The following CCDC148 variants were observed in gnomAD, a reference collection of about 807,000 sequenced individuals.
CCDC148 encodes the protein coiled-coil domain-containing protein 148.
CCDC148 carries 89 observed loss-of-function variants against 85.7 expected under a neutral mutation model. The observed-to-expected ratio is 1.04, with a 90% CI of 0.87 to 1.24. The LOEUF is 1.24. Ranked by LOEUF, CCDC148 falls within the 50% of genes most tolerant of loss-of-function variation. CCDC148 has a pLI of 0.00. For missense variants in CCDC148, 692 were observed against 671.7 expected, an observed-to-expected ratio of 1.03 and a Z score of -0.33; for synonymous variants, 230 against 213.9, an observed-to-expected ratio of 1.08 and a Z score of -0.66.
At chr2:158,276,327 G>T (rs1363955791) in intron 9 of CCDC148, among the ~76,000 whole-genome samples, 1 of 152,130 alleles carries the variant, frequency 6.6e-6, no homozygotes, top group Admixed American at 6.5e-5. Flanking sequence ...CCAGCTATTT[G>T]GGAGGCTGAG....
chr2:158,419,386 C>T (rs1411995351), intron 1 of CCDC148, among the ~76,000 whole-genome samples: 1 of 152,100 alleles, frequency 6.6e-6, no homozygotes, highest in African/African-American at 2.4e-5. Flanking sequence ...GACCAAGAAA[C>T]AGCCAAATGT....
chr2:158,329,592 A>G (rs1692983935), intron 7 of CCDC148, among the ~76,000 whole-genome samples: 1 of 151,910 alleles, frequency 6.6e-6, no homozygotes, highest in African/African-American at 2.4e-5. Flanking sequence ...TCTATAAATT[A>G]CCTTGGGCAG....
At chr2:158,306,650 G>A (rs547053769) in intron 9 of CCDC148, among the ~76,000 whole-genome samples, 3 of 151,886 alleles carry the variant, frequency 2.0e-5, no homozygotes, top group East Asian at 3.9e-4. Context: ...GACACAGGAA[G>A]GGGAACATCA....
In CCDC148 at chr2:158,456,211, A is replaced by G. The variant is rs534174473; in HGVS notation, c.25+204T>C. ...TTTGGCATCTATCATACAATCCGCC[A>G]CCTCGTTCCCTTACCAAAATATCCT... On this transcript the variant is annotated intron_variant, in intron 1 of 13. Transcript: ENST00000283233. Among the ~76,000 whole-genome samples the G allele has an allele frequency of 6.6e-5, 10 of 152,292 alleles. No homozygotes were observed. In the East Asian group the frequency reaches 1.5e-3, roughly 24 times the overall value.
At chr2:158,403,143 A>AT (rs1427358440) in intron 1 of CCDC148, among the ~76,000 whole-genome samples, 2 of 152,022 alleles carry the variant, frequency 1.3e-5, no homozygotes, top group African/African-American at 4.8e-5. Context: ...AATTGATTTC[A>AT]TTTTTTTAAA....
In CCDC148 at chr2:158,339,571, A is replaced by G. The variant is rs369144254; in HGVS notation, c.487-486T>C. ...AGTTTATGCTCAATTGAGGGGAAGC[A>G]GTTGACAAACTAATAAAAAAATATG... On this transcript the variant is annotated intron_variant, in intron 5 of 13. Transcript: ENST00000283233. Among the ~76,000 whole-genome samples, 146 of 152,346 alleles carry G rather than the reference A, an allele frequency of 9.6e-4. 1 individual carries two copies. The highest frequency in any genetic ancestry group is 3.4e-3 in the African/African-American group (143 of 41,588).
chr2:158,410,489 T>C (rs955556590), intron 1 of CCDC148, among the ~76,000 whole-genome samples: 3 of 152,202 alleles, frequency 2.0e-5, no homozygotes, highest in Non-Finnish European at 4.4e-5. Context: ...TAATTTGGTT[T>C]GATCCTTCTC....
chr2:158,346,014 T>G (rs547317823), intron 2 of CCDC148, among the ~76,000 whole-genome samples: 1 of 152,242 alleles, frequency 6.6e-6, no homozygotes, highest in African/African-American at 2.4e-5. Flanking sequence ...TCATGTAGCA[T>G]TGAAATCTAA....
chr2:158,283,189 T>A (rs1412164984), intron 9 of CCDC148, among the ~76,000 whole-genome samples: 3 of 152,172 alleles, frequency 2.0e-5, no homozygotes, highest in African/African-American at 7.2e-5. Context: ...GACGAAAACC[T>A]AGGCATTACC....
chr2:158,405,552 C>T (rs967577213), intron 1 of CCDC148, among the ~76,000 whole-genome samples: 1 of 144,682 alleles, frequency 6.9e-6, no homozygotes, highest in African/African-American at 2.4e-5. Context: ...GCTGAATTTG[C>T]AAAAGAAGAT....
At chr2:158,292,700 G>A (rs184489768) in intron 9 of CCDC148, among the ~76,000 whole-genome samples, 36 of 152,264 alleles carry the variant, frequency 2.4e-4, no homozygotes, top group African/African-American at 8.7e-4. Flanking sequence ...CTGGAGAAAA[G>A]TATATATAGA....
intron 2 of CCDC148, among the ~76,000 whole-genome samples, chr2:158,347,341 T>C (rs752053414): frequency 4.6e-5 from 7 of 152,068 alleles, no homozygotes; most frequent in Non-Finnish European, 8.8e-5. Context: ...ACTATAAAAG[T>C]CAAAATAAAG....
At chr2:158,377,599 T>C (rs1276912487) in intron 1 of CCDC148, among the ~76,000 whole-genome samples, 1 of 152,074 alleles carries the variant, frequency 6.6e-6, no homozygotes, top group Non-Finnish European at 1.5e-5. Context: ...CATACAGGCA[T>C]ACCTTGTTTT....
chr2:158,446,755 A>G (rs1487704922), intron 1 of CCDC148, among the ~76,000 whole-genome samples: 1 of 152,218 alleles, frequency 6.6e-6, no homozygotes. Context: ...ACATTCAGTC[A>G]TAACCACTTG....
At chr2:158,229,108 A>G (rs1054830565) in intron 10 of CCDC148, among the ~76,000 whole-genome samples, 1 of 152,062 alleles carries the variant, frequency 6.6e-6, no homozygotes, top group Admixed American at 6.6e-5. Context: ...CTGCCCTTCC[A>G]ACCTGTAATT....
chr2:158,176,776 T>C, intron 12 of CCDC148, 115 bp from the exon 13 acceptor site: 3 of 1,218,918 alleles, frequency 2.5e-6, no homozygotes, highest in Non-Finnish European at 3.4e-6. Context: ...AGGTAAAGCC[T>C]GAGAGGAAAG....
intron 9 of CCDC148, among the ~76,000 whole-genome samples, chr2:158,274,764 T>C (rs145555032): frequency 3.3e-5 from 5 of 152,304 alleles, no homozygotes; most frequent in Non-Finnish European, 7.3e-5. Flanking sequence ...TTGTTTCAAG[T>C]AGATTATTCT....
intron 1 of CCDC148, among the ~76,000 whole-genome samples, chr2:158,419,054 C>T (rs1245685310): frequency 6.6e-6 from 1 of 152,050 alleles, no homozygotes; most frequent in African/African-American, 2.4e-5. Flanking sequence ...CCAGGAGTAG[C>T]ATTAGGTTTA....
chr2:158,247,561 T>G (rs1199361675), intron 10 of CCDC148, among the ~76,000 whole-genome samples: 1 of 152,038 alleles, frequency 6.6e-6, no homozygotes, highest in Non-Finnish European at 1.5e-5. Context: ...CGGAACACTA[T>G]GTAGCAATTA....
Sources: gnomAD v4.1 joint callset for allele counts (sites outside exome capture counted in the v4.1 genomes callset) on GRCh38, gnomAD v4.1.1 for gene constraint, MANE v1.5 for transcripts, NCBI Gene and HGNC (gene_info 2026-07-23, HGNC 2026-07-21) for gene names.